LAMC2: variants seen among roughly 807,000 people sequenced by gnomAD.
LAMC2 encodes laminin subunit gamma-2.
In LAMC2, 97 loss-of-function variants were observed where a neutral mutation model predicts 140.2. The observed-to-expected ratio is 0.69, with a 90% CI of 0.59 to 0.82. The LOEUF (loss-of-function observed/expected upper bound fraction) is 0.82. LAMC2 is among the 40% of genes least tolerant of loss of function. The probability of loss-of-function intolerance (pLI) is 0.00; values close to 1 mark genes in which losing one functional copy is unlikely to be tolerated. For synonymous variants in LAMC2, 513 were observed against 540.2 expected (o/e 0.95, Z 0.70); for missense variants, 1,402 against 1,476.1 (o/e 0.95, Z 0.82).
intron 8 of LAMC2, among the ~76,000 whole-genome samples, chr1:183,226,271 A>G (rs903174328): frequency 1.3e-5 from 2 of 151,818 alleles, no homozygotes; most frequent in Non-Finnish European, 2.9e-5. Context: ...CACCATTTCC[A>G]TGTCACTGAT....
chr1:183,204,417 G>C (rs1009360624), intron 1 of LAMC2, among the ~76,000 whole-genome samples: 2 of 148,824 alleles, frequency 1.3e-5, no homozygotes, highest in African/African-American at 5.0e-5. Context: ...GCAACATGGT[G>C]AAACCCCGTC....
chr1:183,202,022 T>C (rs1226709550), intron 1 of LAMC2, among the ~76,000 whole-genome samples: 2 of 152,046 alleles, frequency 1.3e-5, no homozygotes, highest in African/African-American at 2.4e-5. Flanking sequence ...TAAAAATTTA[T>C]TGACTTAAAA....
intron 1 of LAMC2, among the ~76,000 whole-genome samples, chr1:183,190,197 T>G (rs1251098184): frequency 6.6e-6 from 1 of 152,190 alleles, no homozygotes; most frequent in Non-Finnish European, 1.5e-5. Flanking sequence ...ATATGACCAT[T>G]ACACAAAAAT....
chr1:183,216,571 A>G (rs988770864), intron 3 of LAMC2, among the ~76,000 whole-genome samples: 2 of 152,114 alleles, frequency 1.3e-5, no homozygotes, highest in Admixed American at 6.5e-5. Context: ...AGCCAAGTGC[A>G]TGTGGCCTTG....
At chr1:183,254,820 C>T in the LAMC2 span, among the ~76,000 whole-genome samples, 21 of 152,054 alleles carry the variant, frequency 1.4e-4, no homozygotes, top group African/African-American at 4.4e-4. Flanking sequence ...GATATTAATC[C>T]CTATCTGATA....
intron 1 of LAMC2, among the ~76,000 whole-genome samples, chr1:183,195,181 T>C (rs1339994869): frequency 6.6e-6 from 1 of 152,210 alleles, no homozygotes; most frequent in Admixed American, 6.5e-5. Context: ...ATTGTCTGCC[T>C]GGGCACTGGT....
intron 14 of LAMC2, among the ~76,000 whole-genome samples, chr1:183,233,938 G>A (rs1283507633): frequency 2.7e-5 from 4 of 150,130 alleles, no homozygotes; most frequent in Non-Finnish European, 5.9e-5. Flanking sequence ...CCAGGCTGGA[G>A]TACAATGGTG....
chr1:183,241,695 A>G (rs777710500), intron 22 of LAMC2, among the ~76,000 whole-genome samples: 6 of 152,082 alleles, frequency 3.9e-5, no homozygotes, highest in African/African-American at 4.8e-5. Flanking sequence ...TGAGATGCCA[A>G]TGTCATCTGT....
chr1:183,207,381 C>T (rs553639707), intron 1 of LAMC2, among the ~76,000 whole-genome samples: 1 of 131,510 alleles, frequency 7.6e-6, no homozygotes, highest in Admixed American at 7.5e-5. Flanking sequence ...ACGGTCACGT[C>T]CACTCCTTTG....
intron 4 of LAMC2, among the ~76,000 whole-genome samples, chr1:183,219,467 G>GC (rs1328287732): frequency 6.6e-6 from 1 of 152,160 alleles, no homozygotes; most frequent in Non-Finnish European, 1.5e-5. Context: ...CAGTGACAAT[G>GC]CCCCCCTCCT....
At chr1:183,208,109 C>T (rs754148220) in intron 2 of LAMC2, 40 bp downstream of exon 2, 1 of 1,529,174 alleles carries the variant, frequency 6.5e-7, no homozygotes, top group Non-Finnish European at 9.1e-7. Flanking sequence ...GGAGATGGAG[C>T]AGTGGGGAGA....
chr1:183,251,415 TATGAAA>T, the LAMC2 span: 6 of 152,294 alleles, frequency 3.9e-5, no homozygotes, highest in Non-Finnish European at 5.9e-5. Flanking sequence ...GGACTTACAA[TATGAAA>T]GAGACATTTC....
chr1:183,215,308 G>A (rs769815743), intron 2 of LAMC2, 145 bp from the exon 3 acceptor site: 10 of 853,292 alleles, frequency 1.2e-5, no homozygotes, highest in South Asian at 2.9e-5. Context: ...ACACGCAGGC[G>A]ATGTGAAGTG....
chr1:183,242,350 G>A (rs1227715050), intron 22 of LAMC2, among the ~76,000 whole-genome samples: 3 of 152,180 alleles, frequency 2.0e-5, no homozygotes, highest in Admixed American at 6.5e-5. Flanking sequence ...GAGATTAATT[G>A]TTCTAGGTAT....
chr1:183,239,770 T>C (rs1660074325), intron 20 of LAMC2: 8 of 636,600 alleles, frequency 1.3e-5, no homozygotes, highest in Non-Finnish European at 1.9e-5. Flanking sequence ...TCCCAAATGG[T>C]TCCTAACTCT....
At chr1:183,210,803 C>A (rs191792421) in intron 2 of LAMC2, among the ~76,000 whole-genome samples, 71 of 152,346 alleles carry the variant, frequency 4.7e-4, no homozygotes, top group Non-Finnish European at 8.2e-4. Context: ...AGAAACTGAA[C>A]TTTCAGGGTC....
At position 183,244,515 on chromosome 1, in the gene LAMC2, C is replaced by G. The variant is rs1326884614; in HGVS notation, c.*1115C>G. On this transcript the variant is annotated 3_prime_UTR_variant, in exon 23 of 23. Coordinates refer to ENST00000264144, the MANE Select transcript of LAMC2 (RefSeq NM_005562.3). ...TCTCTGCCCTCATAGAGTTGATTGT[C>G]TAGTGAGGAAGACAAGCATTTTTAA... The G allele has an allele frequency of 6.6e-6, 1 of 152,528 alleles. No homozygotes were observed. The highest frequency in any genetic ancestry group is 1.9e-4 in the East Asian group (1 of 5,194). 9.4% of individuals were successfully genotyped at this position (152,528 alleles called of 1,614,324 possible).
At chr1:183,223,894 A>G (rs750054049) in intron 7 of LAMC2, among the ~76,000 whole-genome samples, 2 of 152,152 alleles carry the variant, frequency 1.3e-5, no homozygotes, top group Non-Finnish European at 2.9e-5. Context: ...CCTGCAGAAT[A>G]GGGATTCTGC....
At chr1:183,215,847 T>G (rs1171427125) in intron 3 of LAMC2, among the ~76,000 whole-genome samples, 1 of 152,192 alleles carries the variant, frequency 6.6e-6, no homozygotes, top group African/African-American at 2.4e-5. Context: ...ACCTAATACT[T>G]AAGCTCAGAG....
Sources: gnomAD v4.1 joint callset for allele counts (sites outside exome capture counted in the v4.1 genomes callset) on GRCh38, gnomAD v4.1.1 for gene constraint, MANE v1.5 for transcripts, NCBI Gene and HGNC (gene_info 2026-07-23, HGNC 2026-07-21) for gene names.